TNRC6A: variants seen among roughly 807,000 people sequenced by gnomAD.
TNRC6A encodes trinucleotide repeat-containing gene 6A protein.
A neutral mutation model predicts 221.2 loss-of-function variants in TNRC6A; 44 were observed. The observed-to-expected ratio is 0.20, with a 90% CI of 0.16 to 0.26. The LOEUF (loss-of-function observed/expected upper bound fraction) is 0.26, where lower values mean the gene tolerates loss of function less well. Ranked by LOEUF, TNRC6A falls within the 10% of genes least tolerant of loss-of-function variation. TNRC6A has a pLI of 1.00. For missense variants in TNRC6A, 2,199 were observed against 2,404.4 expected (o/e 0.91, Z 1.79); for synonymous variants, 847 against 838.5 (o/e 1.01, Z -0.18).
rs186998214 is a variant in TNRC6A at position 24,822,281 on chromosome 16, G to A, written c.5373+134G>A. 8.1e-4 allele frequency: 650 copies of A among 806,050 alleles called. 2 individuals carry two copies. In the African/African-American group the frequency reaches 0.01, roughly 13 times the overall value. 49.9% of individuals were successfully genotyped at this position (806,050 alleles called of 1,614,324 possible). On this transcript the variant is annotated intron_variant, in intron 23 of 24. Coordinates refer to ENST00000395799, the MANE Select transcript of TNRC6A (RefSeq NM_014494.4). ...AGAGGAAACAGCAGAGGAGTGGTCT[G>A]TAGACCTCAGGCAGGCTGTGGTCGA...
At chr16:24,696,347 C>CA (rs56696667) in intron 2 of TNRC6A, among the ~76,000 whole-genome samples, 256 of 125,550 alleles carry the variant, frequency 2.0e-3, no homozygotes, top group East Asian at 4.1e-3. Context: ...GACTCCATCT[C>CA]AAAAAAAAAA....
intron 2 of TNRC6A, among the ~76,000 whole-genome samples, chr16:24,750,413 A>G (rs1229760612): frequency 2.6e-5 from 4 of 152,186 alleles, no homozygotes; most frequent in Non-Finnish European, 5.9e-5. Context: ...AGCTTAAATG[A>G]TGAAGTTTAC....
chr16:24,705,987 T>C (rs1319609683), intron 2 of TNRC6A, among the ~76,000 whole-genome samples: 1 of 152,030 alleles, frequency 6.6e-6, no homozygotes, highest in Non-Finnish European at 1.5e-5. Flanking sequence ...AAACAATGAG[T>C]TAAGTCAGTA....
intron 17 of TNRC6A, 117 bp downstream of exon 17, chr16:24,806,901 G>C: frequency 1.0e-6 from 1 of 995,594 alleles, no homozygotes; most frequent in South Asian, 1.5e-5. Context: ...TCTCTTAGCT[G>C]TTCCCTCTCA....
intron 2 of TNRC6A, among the ~76,000 whole-genome samples, chr16:24,699,028 G>A (rs2055917754): frequency 6.6e-6 from 1 of 152,078 alleles, no homozygotes; most frequent in Admixed American, 6.6e-5. Context: ...GAATTTTAAG[G>A]GAGCTGAAGA....
intron 1 of TNRC6A, among the ~76,000 whole-genome samples, chr16:24,626,842 G>C (rs914281385): frequency 9.3e-5 from 14 of 151,314 alleles, no homozygotes; most frequent in African/African-American, 2.4e-4. Flanking sequence ...TAGTAGAGAG[G>C]GGGGTTTCAC....
chr16:24,686,762 T>C (rs1232091451), intron 2 of TNRC6A, among the ~76,000 whole-genome samples: 1 of 151,916 alleles, frequency 6.6e-6, no homozygotes, highest in East Asian at 1.9e-4. Context: ...TCTGCAGGGG[T>C]GGTATGGCGT....
intron 1 of TNRC6A, among the ~76,000 whole-genome samples, chr16:24,628,781 C>T (rs911267668): frequency 1.3e-5 from 2 of 152,058 alleles, no homozygotes; most frequent in African/African-American, 2.4e-5. Flanking sequence ...AAGTTACATG[C>T]AGATTTTCAA....
intron 2 of TNRC6A, among the ~76,000 whole-genome samples, chr16:24,642,954 G>A (rs1045362768): frequency 1.7e-4 from 26 of 150,940 alleles, no homozygotes; most frequent in African/African-American, 5.6e-4. Flanking sequence ...TGAGGTGGAA[G>A]GATGGCTGGA....
chr16:24,663,833 A>T, intron 2 of TNRC6A: 2 of 443,296 alleles, frequency 4.5e-6, no homozygotes, highest in Non-Finnish European at 9.1e-6. Flanking sequence ...ACCATAAATC[A>T]TGTTGTTAGC....
At chr16:24,773,098 ATC>A in intron 4 of TNRC6A, among the ~76,000 whole-genome samples, 1 of 152,098 alleles carries the variant, frequency 6.6e-6, no homozygotes, top group Middle Eastern at 3.4e-3. Context: ...AAAGTCATTG[ATC>A]TCTCTTTTAT....
At chr16:24,816,328 CAAAA>C (rs68019317) in intron 19 of TNRC6A, 9 of 103,200 alleles carry the variant, frequency 8.7e-5, no homozygotes, top group Admixed American at 2.1e-4. Flanking sequence ...GACTCTGTCT[CAAAA>C]AAAAAAAAAA....
chr16:24,790,714 A>G lies in TNRC6A; in HGVS notation c.2072A>G (p.Gln691Arg). The change falls in exon 6 of 25, where the codon CAG becomes CGG. Residue 691 changes from glutamine (Q) to arginine (R), a missense_variant. Transcript: ENST00000395799. ...RLEEKGTGES[Q>R]SRDRRKIDQH... is the part of the protein sequence containing the mutation. ...GAGGAAAAAGGAACTGGGGAAAGTCAGAGTAGAGACAGAAGAAAAATTGAT... is the reference window on the plus strand; with the variant it reads ...GAGGAAAAAGGAACTGGGGAAAGTCGGAGTAGAGACAGAAGAAAAATTGAT... The G allele has an allele frequency of 6.2e-7, 1 of 1,614,210 alleles. No homozygotes were observed. Among genetic ancestry groups the G allele is most frequent in the Middle Eastern group, 1.6e-4 (1 of 6,062 alleles).
intron 11 of TNRC6A, among the ~76,000 whole-genome samples, chr16:24,803,262 T>TA (rs1182464922): frequency 1.3e-5 from 2 of 149,860 alleles, no homozygotes; most frequent in Admixed American, 6.6e-5. Flanking sequence ...CTACTGAAAA[T>TA]AAAAAAATTA....
chr16:24,809,517 A>C (rs996458990), intron 18 of TNRC6A, 36 bp downstream of exon 18: 375 of 1,465,620 alleles, frequency 2.6e-4, no homozygotes, highest in East Asian at 4.3e-4. Flanking sequence ...AAAAAAAAAA[A>C]ACACACACAC....
At chr16:24,802,238 A>G (rs904720364) in intron 11 of TNRC6A, among the ~76,000 whole-genome samples, 2 of 152,156 alleles carry the variant, frequency 1.3e-5, no homozygotes, top group African/African-American at 4.8e-5. Context: ...GAATAGGGAG[A>G]TGAAAACCTG....
chr16:24,770,823 A>G (rs2057575136), intron 4 of TNRC6A, among the ~76,000 whole-genome samples: 1 of 152,200 alleles, frequency 6.6e-6, no homozygotes, highest in South Asian at 2.1e-4. Flanking sequence ...CCGTGTGTGC[A>G]TATTCTGTAG....
intron 2 of TNRC6A, among the ~76,000 whole-genome samples, chr16:24,683,847 CACTA>C (rs1397660685): frequency 6.6e-6 from 1 of 152,188 alleles, no homozygotes; most frequent in Non-Finnish European, 1.5e-5. Context: ...TAGGCATCGA[CACTA>C]ACTCACAGTG....
At chr16:24,699,178 T>G (rs143617238) in intron 2 of TNRC6A, among the ~76,000 whole-genome samples, 92 of 152,308 alleles carry the variant, frequency 6.0e-4, no homozygotes, top group African/African-American at 1.9e-3. Context: ...AAATCATATC[T>G]GTTGAGCACC....
Sources: allele counts gnomAD v4.1 joint callset (sites outside exome capture counted in the v4.1 genomes callset), GRCh38; gene constraint gnomAD v4.1.1; transcripts MANE v1.5; gene names NCBI Gene and HGNC (gene_info 2026-07-23, HGNC 2026-07-21).